The following C8A variants were observed in gnomAD, a reference collection of about 807,000 sequenced individuals.
C8A encodes complement component C8 alpha chain.
In C8A, 67 loss-of-function variants were observed where a neutral mutation model predicts 65.3. That is an observed-to-expected ratio of 1.03 (90% CI 0.84 to 1.26). C8A has a LOEUF of 1.26. Among genes scored for constraint, C8A ranks in the 50% most tolerant of loss-of-function variants. The pLI is 0.00. For synonymous variants in C8A, 290 were observed against 259.4 expected (o/e 1.12, Z -1.13); for missense variants, 781 against 723.9 (o/e 1.08, Z -0.90).
rs754064826 is a variant in C8A, at chr1:56,906,827, A to C, written c.1222+35A>C. ...TAGTAATAGATCTCCCAAAAAGAGA[A>C]GCCAGGCTTTCCTTTGGACACACAC... is the stretch of plus-strand genomic sequence containing the variant. On this transcript the variant is annotated intron_variant, in intron 8 of 10. Transcript: ENST00000361249. 5.0e-6 allele frequency: 8 copies of C among 1,613,802 alleles called. No homozygotes were observed. In the East Asian group the frequency reaches 1.8e-4, roughly 36 times the overall value.
At chr1:56,864,631 G>A (rs1251861703) in intron 1 of C8A, among the ~76,000 whole-genome samples, 3 of 152,144 alleles carry the variant, frequency 2.0e-5, no homozygotes, top group African/African-American at 7.2e-5. Context: ...GAGCAACCGA[G>A]CAACCAGAGA....
chr1:56,917,441 C>G, intron 10 of C8A, 124 bp from the exon 11 acceptor site: 1 of 927,472 alleles, frequency 1.1e-6, no homozygotes. Flanking sequence ...TGCAGTCGAC[C>G]AGAGGAGGGG....
chr1:56,855,692 T>A (rs1309468373), intron 1 of C8A, among the ~76,000 whole-genome samples: 1 of 152,072 alleles, frequency 6.6e-6, no homozygotes. Flanking sequence ...AGCAGTCCTT[T>A]ATTTCACCTT....
At chr1:56,897,931 T>A (rs972552852) in intron 7 of C8A, among the ~76,000 whole-genome samples, 1 of 152,128 alleles carries the variant, frequency 6.6e-6, no homozygotes, top group East Asian at 1.9e-4. Context: ...AATAACATAA[T>A]GTGATAAATG....
At chr1:56,915,965 C>A (rs1307854996) in intron 10 of C8A, among the ~76,000 whole-genome samples, 1 of 152,088 alleles carries the variant, frequency 6.6e-6, no homozygotes, top group Non-Finnish European at 1.5e-5. Flanking sequence ...GTGAGCCTTG[C>A]CAGAGTAATT....
rs1557705623 is a variant in C8A at position 56,885,363 on chromosome 1, T to TTTAC, written c.856-564_856-563insTTAC. On this transcript the variant is annotated intron_variant, in intron 6 of 10. Transcript: ENST00000361249. ...TTACATAAATATATATTTATGTAAA[T>TTTAC]ATATATTTATATTTATTTAAATATA... Among the ~76,000 whole-genome samples the TTTAC allele has an allele frequency of 4.4e-4, 37 of 84,512 alleles. 1 individual carries two copies. The highest frequency in any genetic ancestry group is 2.2e-3 in the African/African-American group (34 of 15,648). 55.4% of individuals were successfully genotyped at this position (84,512 alleles called of 152,430 possible).
intron 4 of C8A, among the ~76,000 whole-genome samples, chr1:56,880,449 G>A (rs1363034338): frequency 1.3e-5 from 2 of 151,980 alleles, no homozygotes; most frequent in Non-Finnish European, 2.9e-5. Context: ...GTATTATTAT[G>A]TCTATTCTTT....
chr1:56,888,339 T>G lies in C8A; in HGVS notation c.1096+2172T>G, dbSNP rs114404344. Among the ~76,000 whole-genome samples, 738 of 152,238 alleles carry G rather than the reference T, an allele frequency of 4.8e-3. 3 individuals are homozygous for G. The highest frequency in any genetic ancestry group is 0.01 in the Middle Eastern group (3 of 294). ...TTAATTCATCCGTCTACATATTCAT[T>G]TAAAAAAAATTCAAATGCTCTAATG... On this transcript the variant is annotated intron_variant, in intron 7 of 10. Transcript: ENST00000361249.
intron 1 of C8A, among the ~76,000 whole-genome samples, chr1:56,862,836 T>C (rs1644047536): frequency 6.6e-6 from 1 of 152,182 alleles, no homozygotes; most frequent in Non-Finnish European, 1.5e-5. Context: ...GAATTATGAA[T>C]GGCTCCTTAA....
chr1:56,909,312 A>G (rs529316658), intron 9 of C8A, among the ~76,000 whole-genome samples: 17 of 152,192 alleles, frequency 1.1e-4, no homozygotes, highest in Non-Finnish European at 1.9e-4. Flanking sequence ...AATCCCAGAT[A>G]TGGATATAGT....
At chr1:56,879,288 G>T (rs1022534314) in intron 4 of C8A, among the ~76,000 whole-genome samples, 1 of 152,148 alleles carries the variant, frequency 6.6e-6, no homozygotes, top group Non-Finnish European at 1.5e-5. Flanking sequence ...CAAAAATGCT[G>T]CAATGAACAT....
intron 7 of C8A, among the ~76,000 whole-genome samples, chr1:56,904,653 T>C (rs1644450502): frequency 6.6e-6 from 1 of 152,216 alleles, no homozygotes; most frequent in Admixed American, 6.5e-5. Context: ...CTGTATGGCC[T>C]TAGGCAATAT....
chr1:56,885,391 T>TTTAC (rs1174287047), intron 6 of C8A, among the ~76,000 whole-genome samples: 9 of 114,208 alleles, frequency 7.9e-5, no homozygotes, highest in Non-Finnish European at 1.3e-4. Context: ...TAAATATATA[T>TTTAC]TTAAATAAAT....
rs777749979 is a variant in C8A at position 56,912,432 on chromosome 1, C to T, written c.1410C>T (p.His470=). Residue 470 remains histidine, a synonymous_variant, in exon 10 of 11, where the codon CAC becomes CAT. Coordinates refer to ENST00000361249, the MANE Select transcript of C8A (RefSeq NM_000562.3). ...AGCCTATCCACGAGGTGCTGCGGCA[C>T]ACAAGCCTGGGGCCTCTGGAGGCCA... ...EMQPIHEVLR[H]TSLGPLEAKR... The T allele has an allele frequency of 6.8e-6, 11 of 1,614,228 alleles. No individual in the cohort carries two copies. Among genetic ancestry groups the T allele is most frequent in the East Asian group, 2.2e-5 (1 of 44,878 alleles).
chr1:56,881,281 A>G (rs1044771197), intron 4 of C8A, among the ~76,000 whole-genome samples, 164 bp from the exon 5 acceptor site: 1 of 152,150 alleles, frequency 6.6e-6, no homozygotes, highest in African/African-American at 2.4e-5. Context: ...TTTGCTTTTT[A>G]ATTTCCAACT....
intron 1 of C8A, among the ~76,000 whole-genome samples, chr1:56,866,434 G>T (rs943525902): frequency 1.3e-5 from 2 of 152,234 alleles, no homozygotes; most frequent in East Asian, 1.9e-4. Flanking sequence ...GAAATGTAAA[G>T]GTATACTGAG....
intron 3 of C8A, 152 bp from the exon 4 acceptor site, chr1:56,875,910 T>C: frequency 9.3e-7 from 1 of 1,072,014 alleles, no homozygotes; most frequent in Non-Finnish European, 1.4e-6. Flanking sequence ...CAGGAGCTCA[T>C]TAGGCTGGAA....
chr1:56,903,952 T>C (rs991224404), intron 7 of C8A, among the ~76,000 whole-genome samples: 1 of 152,132 alleles, frequency 6.6e-6, no homozygotes, highest in Non-Finnish European at 1.5e-5. Context: ...TAAACTGCAG[T>C]TTGACCTGGT....
intron 6 of C8A, among the ~76,000 whole-genome samples, chr1:56,885,665 C>T (rs140024291): frequency 3.8e-4 from 58 of 150,650 alleles, no homozygotes; most frequent in African/African-American, 1.3e-3. Flanking sequence ...GATTCTCCTG[C>T]CTCAGCTTCC....
Sources: allele counts gnomAD v4.1 joint callset (sites outside exome capture counted in the v4.1 genomes callset), GRCh38; gene constraint gnomAD v4.1.1; transcripts MANE v1.5; gene names NCBI Gene and HGNC (gene_info 2026-07-23, HGNC 2026-07-21).